The following CCDC148 variants were observed in gnomAD, a reference collection of about 807,000 sequenced individuals.
The protein encoded by CCDC148 is coiled-coil domain containing 148.
CCDC148 carries 89 observed loss-of-function variants against 85.7 expected under a neutral mutation model. That is an observed-to-expected ratio of 1.04 (90% CI 0.87 to 1.24). CCDC148 has a LOEUF of 1.24. CCDC148 is among the 50% of genes most tolerant of loss of function. CCDC148 has a pLI of 0.00. For synonymous variants in CCDC148, 230 were observed against 213.9 expected (o/e 1.08, Z -0.66); for missense variants, 692 against 671.7 (o/e 1.03, Z -0.33).
intron 11 of CCDC148, 112 bp from the exon 12 acceptor site, chr2:158,179,108 T>TG (rs1318157886): frequency 1.6e-6 from 1 of 612,728 alleles, no homozygotes; most frequent in East Asian, 2.8e-5. Flanking sequence ...ACTGTCACAT[T>TG]TTTTTTTTTA....
chr2:158,390,792 CT>C (rs1255858758), intron 1 of CCDC148, among the ~76,000 whole-genome samples: 1 of 151,972 alleles, frequency 6.6e-6, no homozygotes, highest in Admixed American at 6.6e-5. Flanking sequence ...GCCAAGAAGT[CT>C]TTTTTTTCTT....
chr2:158,241,185 G>T (rs150980738), intron 10 of CCDC148, among the ~76,000 whole-genome samples: 32 of 152,296 alleles, frequency 2.1e-4, no homozygotes, highest in African/African-American at 7.2e-4. Context: ...CTCTACATGT[G>T]TGTGTACACA....
intron 9 of CCDC148, among the ~76,000 whole-genome samples, chr2:158,267,545 C>T (rs534776311): frequency 6.6e-6 from 1 of 152,188 alleles, no homozygotes; most frequent in Non-Finnish European, 1.5e-5. Context: ...ACATCTACCC[C>T]TAGGTCATAA....
intron 9 of CCDC148, among the ~76,000 whole-genome samples, chr2:158,259,003 A>G (rs994179760): frequency 2.6e-5 from 4 of 151,684 alleles, no homozygotes; most frequent in African/African-American, 7.3e-5. Context: ...TTACCAATTT[A>G]CCCTCTGTGT....
intron 1 of CCDC148, among the ~76,000 whole-genome samples, chr2:158,446,015 T>C (rs999321942): frequency 1.3e-5 from 2 of 152,230 alleles, no homozygotes; most frequent in South Asian, 4.1e-4. Flanking sequence ...ATGGAAGAAG[T>C]ACAAAATAGG....
chr2:158,435,880 A>G (rs1393534061), intron 1 of CCDC148, among the ~76,000 whole-genome samples: 3 of 152,254 alleles, frequency 2.0e-5, no homozygotes, highest in Non-Finnish European at 2.9e-5. Flanking sequence ...GAGACAAAGA[A>G]GGCCAATACA....
In CCDC148 at chr2:158,435,231, G is replaced by C. The variant is rs145275456; in HGVS notation, c.25+21184C>G. ...AATGTTAAAGACAGCCAGAGAGAAA[G>C]GTTGGGTTACCCACAAAGGGAAGCC... On this transcript the variant is annotated intron_variant, in intron 1 of 13. Transcript: ENST00000283233. Among the ~76,000 whole-genome samples the C allele has an allele frequency of 5.5e-3, 835 of 152,232 alleles. 11 individuals carry two copies. Among genetic ancestry groups the C allele is most frequent in the African/African-American group, 0.019 (798 of 41,544 alleles).
At position 158,250,885 on chromosome 2, in the gene CCDC148, C is replaced by T. The variant is rs149646065; in HGVS notation, c.1138G>A (p.Glu380Lys). ...KVRQWRAHQE[E>K]VARLEMEISA... ...ATTTCCATTTCCAGTCTTGCTACCT[C>T]TTCTTGGTGGGCTCGCCATTGACGA... Residue 380 changes from glutamate to lysine, a missense_variant, in exon 10 of 14, where the codon GAG becomes AAG. Coordinates refer to ENST00000283233, the MANE Select transcript of CCDC148 (RefSeq NM_138803.4). The T allele has an allele frequency of 6.2e-7, 1 of 1,605,598 alleles. No individual in the cohort carries two copies. The highest frequency in any genetic ancestry group is 1.7e-4 in the Middle Eastern group (1 of 6,030).
intron 7 of CCDC148, among the ~76,000 whole-genome samples, chr2:158,329,851 A>G (rs1420156590): frequency 2.0e-5 from 3 of 152,180 alleles, no homozygotes; most frequent in African/African-American, 2.4e-5. Flanking sequence ...ATTTTTGCAC[A>G]TTGATTTTGT....
chr2:158,175,616 A>C (rs1017635840), intron 13 of CCDC148, among the ~76,000 whole-genome samples: 3 of 152,002 alleles, frequency 2.0e-5, no homozygotes, highest in Non-Finnish European at 2.9e-5. Context: ...TCTTGCTCTG[A>C]TGTAGCCCAG....
chr2:158,294,584 G>T (rs1256460914), intron 9 of CCDC148, among the ~76,000 whole-genome samples: 1 of 152,092 alleles, frequency 6.6e-6, no homozygotes, highest in Admixed American at 6.5e-5. Flanking sequence ...AGCACTTTGG[G>T]AGGCCAAGAT....
chr2:158,357,786 C>T (rs1346709853), intron 2 of CCDC148, among the ~76,000 whole-genome samples: 1 of 152,004 alleles, frequency 6.6e-6, no homozygotes, highest in African/African-American at 2.4e-5. Context: ...ACAAACAAAC[C>T]ATGAAAATTT....
intron 9 of CCDC148, among the ~76,000 whole-genome samples, chr2:158,253,158 T>C (rs1559020026): frequency 6.6e-6 from 1 of 151,876 alleles, no homozygotes; most frequent in East Asian, 1.9e-4. Context: ...ACCATTGAGC[T>C]TGGTCGTAGT....
intron 1 of CCDC148, among the ~76,000 whole-genome samples, chr2:158,377,874 A>G (rs2105285663): frequency 6.6e-6 from 1 of 152,230 alleles, no homozygotes. Context: ...GTGTATTCTG[A>G]CTAATTCGTT....
intron 7 of CCDC148, among the ~76,000 whole-genome samples, chr2:158,333,038 T>A (rs1693226848): frequency 6.6e-6 from 1 of 152,182 alleles, no homozygotes; most frequent in South Asian, 2.1e-4. Context: ...CTCTTTCAGT[T>A]CTGCTCTGAT....
At chr2:158,319,778 G>A (rs886068604) in intron 7 of CCDC148, among the ~76,000 whole-genome samples, 15 of 152,302 alleles carry the variant, frequency 9.8e-5, no homozygotes, top group African/African-American at 3.6e-4. Context: ...AGAGATGAAA[G>A]AGATATAGAC....
chr2:158,203,616 T>C (rs12624053), intron 11 of CCDC148, among the ~76,000 whole-genome samples: 7,795 of 152,224 alleles, frequency 0.051, 231 homozygotes, highest in Middle Eastern at 0.075. Context: ...TTTACATTTG[T>C]TTCACATGGT....
At chr2:158,188,203 A>G (rs186050285) in intron 11 of CCDC148, among the ~76,000 whole-genome samples, 23 of 152,070 alleles carry the variant, frequency 1.5e-4, no homozygotes, top group Non-Finnish European at 2.1e-4. Flanking sequence ...TGGCTGCAAC[A>G]ATTTTAGCCT....
At chr2:158,439,446 G>T (rs1403686872) in intron 1 of CCDC148, among the ~76,000 whole-genome samples, 6 of 152,058 alleles carry the variant, frequency 3.9e-5, no homozygotes. Flanking sequence ...TGGACACAGG[G>T]TGGGGAACGT....
Sources: allele counts gnomAD v4.1 joint callset (sites outside exome capture counted in the v4.1 genomes callset), GRCh38; gene constraint gnomAD v4.1.1; transcripts MANE v1.5; gene names NCBI Gene and HGNC (gene_info 2026-07-23, HGNC 2026-07-21).